The following ARHGAP15 variants were observed in gnomAD, a reference collection of about 807,000 sequenced individuals.
The protein encoded by ARHGAP15 is Rho GTPase activating protein 15, also known as rho GTPase-activating protein 15.
ARHGAP15 carries 51 observed loss-of-function variants against 63.7 expected under a neutral mutation model. The ratio of observed to expected loss-of-function variants is 0.80; its 90% CI spans 0.64 to 1.01. The LOEUF (loss-of-function observed/expected upper bound fraction) is 1.01, where lower values mean the gene tolerates loss of function less well. Among genes scored for constraint, ARHGAP15 ranks in the 50% least tolerant of loss-of-function variants. The pLI is 0.00. For missense variants in ARHGAP15, 560 were observed against 564.6 expected (o/e 0.99, Z 0.08); for synonymous variants, 191 against 193.8 (o/e 0.99, Z 0.12).
chr2:143,252,811 C>T (rs911098322), intron 6 of ARHGAP15, among the ~76,000 whole-genome samples: 31 of 151,936 alleles, frequency 2.0e-4, no homozygotes, highest in Admixed American at 2.6e-4. Flanking sequence ...AAAAAAGCGT[C>T]GGGAAGGATT....
chr2:143,350,667 A>C (rs1052319253), intron 6 of ARHGAP15, among the ~76,000 whole-genome samples: 14 of 149,290 alleles, frequency 9.4e-5, no homozygotes, highest in African/African-American at 3.2e-4. Context: ...AAAATTAAAA[A>C]AAAAAAAAAA....
At chr2:143,618,088 T>C (rs1698513806) in intron 11 of ARHGAP15, among the ~76,000 whole-genome samples, 1 of 152,208 alleles carries the variant, frequency 6.6e-6, no homozygotes. Flanking sequence ...TGGCACAGGG[T>C]GACATCACCG....
intron 6 of ARHGAP15, among the ~76,000 whole-genome samples, chr2:143,324,589 C>T (rs570567900): frequency 2.0e-5 from 3 of 152,284 alleles, no homozygotes; most frequent in South Asian, 4.1e-4. Context: ...TGTACTTGAA[C>T]GTACAGGGTT....
At chr2:143,508,977 G>A (rs557233919) in intron 9 of ARHGAP15, among the ~76,000 whole-genome samples, 1 of 152,282 alleles carries the variant, frequency 6.6e-6, no homozygotes, top group African/African-American at 2.4e-5. Context: ...AGAAAGGGCT[G>A]GGAAGAACTT....
chr2:143,277,221 A>G (rs1681603983), intron 6 of ARHGAP15, among the ~76,000 whole-genome samples: 1 of 152,130 alleles, frequency 6.6e-6, no homozygotes, highest in Admixed American at 6.6e-5. Context: ...ACAACAAGAA[A>G]TAAAGTCGTT....
At chr2:143,359,168 G>A (rs1685934043) in intron 6 of ARHGAP15, among the ~76,000 whole-genome samples, 1 of 152,090 alleles carries the variant, frequency 6.6e-6, no homozygotes, top group Admixed American at 6.6e-5. Flanking sequence ...AAATTCCTTA[G>A]TTTTCTCCAC....
intron 13 of ARHGAP15, among the ~76,000 whole-genome samples, chr2:143,730,841 TG>T (rs1685494756): frequency 6.6e-6 from 1 of 150,468 alleles, no homozygotes; most frequent in Admixed American, 6.6e-5. Flanking sequence ...GGGTTGGTTT[TG>T]TTTTTAATTT....
chr2:143,226,079 C>A (rs1417568419), intron 4 of ARHGAP15, among the ~76,000 whole-genome samples: 1 of 152,224 alleles, frequency 6.6e-6, no homozygotes, highest in African/African-American at 2.4e-5. Flanking sequence ...CAGAGCAAGT[C>A]ATGTTGCTAA....
chr2:143,526,910 T>A (rs1694305244), intron 10 of ARHGAP15, among the ~76,000 whole-genome samples: 1 of 152,162 alleles, frequency 6.6e-6, no homozygotes, highest in Non-Finnish European at 1.5e-5. Flanking sequence ...CACAACAGTG[T>A]CACTCTGTTT....
intron 9 of ARHGAP15, among the ~76,000 whole-genome samples, chr2:143,514,032 C>T (rs1259372545): frequency 6.6e-6 from 1 of 152,152 alleles, no homozygotes; most frequent in Non-Finnish European, 1.5e-5. Flanking sequence ...ATATAAAGTA[C>T]TTTGAGCCCT....
chr2:143,260,146 G>T (rs964203612), intron 6 of ARHGAP15, among the ~76,000 whole-genome samples: 1 of 152,026 alleles, frequency 6.6e-6, no homozygotes, highest in Non-Finnish European at 1.5e-5. Context: ...TCAGAAACTC[G>T]TAATCCTTCT....
At chr2:143,573,276 A>G (rs1330973049) in intron 11 of ARHGAP15, among the ~76,000 whole-genome samples, 1 of 152,220 alleles carries the variant, frequency 6.6e-6, no homozygotes, top group South Asian at 2.1e-4. Flanking sequence ...AAGGGCTTAA[A>G]GTTTCAAGGA....
chr2:143,514,054 T>G (rs1693699958), intron 9 of ARHGAP15, among the ~76,000 whole-genome samples: 1 of 152,206 alleles, frequency 6.6e-6, no homozygotes, highest in Non-Finnish European at 1.5e-5. Context: ...CTTGGCTTAG[T>G]GTAGTGTACA....
chr2:143,650,159 G>GAGAT (rs1681090313), intron 12 of ARHGAP15, among the ~76,000 whole-genome samples: 1 of 151,820 alleles, frequency 6.6e-6, no homozygotes, highest in Non-Finnish European at 1.5e-5. Flanking sequence ...GATGGGCTGA[G>GAGAT]AGATAGATGC....
intron 9 of ARHGAP15, among the ~76,000 whole-genome samples, chr2:143,513,943 C>T (rs1339554640): frequency 1.3e-5 from 2 of 152,150 alleles, no homozygotes; most frequent in African/African-American, 2.4e-5. Flanking sequence ...GCCTTAGTTC[C>T]CTCTTCTGTA....
At chr2:143,580,217 G>A (rs1574658874) in intron 11 of ARHGAP15, among the ~76,000 whole-genome samples, 1 of 151,790 alleles carries the variant, frequency 6.6e-6, no homozygotes, top group Non-Finnish European at 1.5e-5. Context: ...TCCCAACAAC[G>A]AGTATTTAAT....
intron 11 of ARHGAP15, among the ~76,000 whole-genome samples, chr2:143,585,565 T>A (rs1697079870): frequency 6.6e-6 from 1 of 152,164 alleles, no homozygotes; most frequent in African/African-American, 2.4e-5. Context: ...TTAGTTCTAC[T>A]TGAATTTTAA....
chr2:143,668,644 C>G lies in ARHGAP15; in HGVS notation c.1139-34775C>G, dbSNP rs554954292. Among the ~76,000 whole-genome samples, 3 of 152,316 alleles carry G rather than the reference C, an allele frequency of 2.0e-5. No individual in the cohort carries two copies. In the East Asian group the frequency reaches 5.8e-4, roughly 29 times the overall value. ...CCATCTCAGTCTAAATAAGTCACCC[C>G]ATTTCTTTTTCTGCAGTTCATCTGT... On this transcript the variant is annotated intron_variant, in intron 12 of 13. Transcript: ENST00000295095.
chr2:143,379,529 G>A (rs898376383), intron 6 of ARHGAP15, among the ~76,000 whole-genome samples: 1 of 148,428 alleles, frequency 6.7e-6, no homozygotes, highest in Non-Finnish European at 1.5e-5. Context: ...GTGTGTGTGT[G>A]TGTATGAGAG....
Sources: gnomAD v4.1 joint callset for allele counts (sites outside exome capture counted in the v4.1 genomes callset) on GRCh38, gnomAD v4.1.1 for gene constraint, MANE v1.5 for transcripts, NCBI Gene and HGNC (gene_info 2026-07-23, HGNC 2026-07-21) for gene names.